MCCC1: variants seen among roughly 807,000 people sequenced by gnomAD.
MCCC1 encodes methylcrotonoyl-CoA carboxylase subunit alpha, mitochondrial.
Under a neutral mutation model 83.8 loss-of-function variants are expected in MCCC1, and 64 were observed. That is an observed-to-expected ratio of 0.76 (90% CI 0.62 to 0.94). The LOEUF is 0.94. Among genes scored for constraint, MCCC1 ranks in the 40% least tolerant of loss-of-function variants. The probability of loss-of-function intolerance (pLI) is 0.00; values close to 1 mark genes in which losing one functional copy is unlikely to be tolerated. For synonymous variants in MCCC1, 322 were observed against 315.4 expected (o/e 1.02, Z -0.22); for missense variants, 807 against 904.7 (o/e 0.89, Z 1.39).
At chr3:183,102,769 T>G (rs1407231170), upstream of MCCC1, among the ~76,000 whole-genome samples, 14 of 80,044 alleles carry the variant, frequency 1.7e-4, no homozygotes, top group African/African-American at 6.4e-4. Context: ...TTTTTTTTTT[T>G]TTTTTTTTTT....
At chr3:183,023,336 T>G (rs999535235) in intron 15 of MCCC1, among the ~76,000 whole-genome samples, 1 of 152,244 alleles carries the variant, frequency 6.6e-6, no homozygotes, top group African/African-American at 2.4e-5. Context: ...TATTTACACA[T>G]TGGTTCTCAT....
At chr3:183,099,111 A>G in intron 1 of MCCC1, 3 of 594,230 alleles carry the variant, frequency 5.0e-6, no homozygotes, top group Non-Finnish European at 9.0e-6. Context: ...AAATGGAAAA[A>G]CAGAAGCCAA....
Position 183,052,164 on chromosome 3 carries a change from C to G in MCCC1, c.950G>C (p.Gly317Ala), listed in dbSNP as rs1577295874. 1 of 1,613,980 alleles carries G rather than the reference C, an allele frequency of 6.2e-7. No homozygotes were observed. The highest frequency in any genetic ancestry group is 8.5e-7 in the Non-Finnish European group (1 of 1,179,916). Residue 317 changes from glycine (G) to alanine (A), a missense_variant, in exon 9 of 19, where the codon GGA (glycine) becomes GCA (alanine). Transcript: ENST00000265594. ...AGAAGCAAATCTTAACCTACCTGCTCCAACATAATTTACAGCTTTAGCAGC... is the reference window on the plus strand; with the variant it reads ...AGAAGCAAATCTTAACCTACCTGCTGCAACATAATTTACAGCTTTAGCAGC... The part of the protein sequence containing the change: ...VRAAKAVNYV[G>A]AGTVEFIMDS...
rs1316357213 is a variant in MCCC1, at chr3:183,099,292, G to A, written c.89+60C>T. On this transcript the variant is annotated intron_variant, in intron 1 of 18. Coordinates refer to ENST00000265594, the MANE Select transcript of MCCC1 (RefSeq NM_020166.5). ...TTCCGCCGCACCTCCCACCGCTCAC[G>A]CGGGTCCGTGCACCCCTCGCTCCCG... The A allele has an allele frequency of 2.6e-6, 4 of 1,534,154 alleles. No homozygotes were observed. The Admixed American group carries it at 5.8e-5, about 22-fold the overall frequency.
intron 15 of MCCC1, 84 bp from the exon 16 acceptor site, chr3:183,022,638 G>A (rs1474352663): frequency 1.6e-6 from 2 of 1,214,354 alleles, no homozygotes; most frequent in Non-Finnish European, 2.3e-6. Flanking sequence ...CTTCACTATT[G>A]GTAGTTTTAA....
intron 1 of MCCC1, among the ~76,000 whole-genome samples, chr3:183,111,734 C>A (rs76192534): frequency 0.032 from 4,816 of 152,182 alleles, 262 homozygotes; most frequent in African/African-American, 0.11. Flanking sequence ...AAATTTAAAC[C>A]TTCTCCAAAT....
At chr3:183,033,913 A>G (rs552148223) in intron 14 of MCCC1, 78 bp downstream of exon 14, 3 of 1,130,712 alleles carry the variant, frequency 2.7e-6, no homozygotes, top group African/African-American at 3.0e-5. Flanking sequence ...GATCATGGCC[A>G]GGCTGGAATC....
chr3:183,088,970 C>A (rs143120315), intron 3 of MCCC1, among the ~76,000 whole-genome samples: 1 of 152,174 alleles, frequency 6.6e-6, no homozygotes, highest in South Asian at 2.1e-4. Context: ...TTCCTGTACA[C>A]GCTTCTCTTA....
intron 4 of MCCC1, among the ~76,000 whole-genome samples, chr3:183,084,310 T>A (rs1717732360): frequency 6.6e-6 from 1 of 152,096 alleles, no homozygotes; most frequent in African/African-American, 2.4e-5. Flanking sequence ...TTCTGTGCAT[T>A]AGATGTTATG....
At chr3:183,042,963 A>C (rs1714229802) in intron 10 of MCCC1, among the ~76,000 whole-genome samples, 1 of 152,242 alleles carries the variant, frequency 6.6e-6, no homozygotes, top group African/African-American at 2.4e-5. Flanking sequence ...CACTGTTCAC[A>C]ATAGACTTGG....
chr3:183,040,556 C>CAGAAAA (rs1553854675), intron 11 of MCCC1, among the ~76,000 whole-genome samples: 1 of 112,592 alleles, frequency 8.9e-6, no homozygotes, highest in Non-Finnish European at 1.7e-5. Flanking sequence ...ACTAAAAATA[C>CAGAAAA]AAAAAAAAAA....
chr3:183,042,989 G>A (rs56359767), intron 10 of MCCC1, among the ~76,000 whole-genome samples: 4,046 of 152,278 alleles, frequency 0.027, 157 homozygotes, highest in East Asian at 0.095. Flanking sequence ...GTTTTTTAAC[G>A]TTTTAATAAA....
rs563586657 is a variant in MCCC1 at position 183,037,258 on chromosome 3, C to T, written c.1554G>A (p.Lys518=). 1.9e-6 allele frequency: 3 copies of T among 1,613,996 alleles called. No individual in the cohort carries two copies. In the East Asian group the frequency reaches 6.7e-5, roughly 36 times the overall value. Residue 518 remains lysine, a synonymous_variant, in exon 13 of 19, where the codon AAG becomes AAA. Coordinates refer to ENST00000265594, the MANE Select transcript of MCCC1 (RefSeq NM_020166.5). Reference sequence around the variant, plus strand: ...TGAAAGTGTCGGTCATGGCTTTCTCCTTGAGGATGAGACCCAGGGCTGCCT... The same window carrying T: ...TGAAAGTGTCGGTCATGGCTTTCTCTTTGAGGATGAGACCCAGGGCTGCCT... ...LCQAALGLIL[K]EKAMTDTFTL... is the part of the protein sequence containing the mutation.
At chr3:183,021,526 C>G (rs1712162534) in intron 16 of MCCC1, among the ~76,000 whole-genome samples, 1 of 152,178 alleles carries the variant, frequency 6.6e-6, no homozygotes, top group Admixed American at 6.5e-5. Flanking sequence ...ATTATTATTA[C>G]TGTTACTGCT....
chr3:183,080,956 C>A (rs1228705631), intron 4 of MCCC1, among the ~76,000 whole-genome samples: 2 of 152,174 alleles, frequency 1.3e-5, no homozygotes, highest in African/African-American at 4.8e-5. Flanking sequence ...ATTTAATCAC[C>A]TCCTACCGGG....
rs1246716621 is a variant in MCCC1, at chr3:183,086,715, A to G, written c.347T>C (p.Val116Ala). 1.2e-6 allele frequency: 2 copies of G among 1,614,200 alleles called. No individual in the cohort carries two copies. The highest frequency in any genetic ancestry group is 1.7e-6 in the Non-Finnish European group (2 of 1,180,038). Residue 116 changes from valine (V) to alanine (A), a missense_variant, in exon 4 of 19, where the codon GTG (valine) becomes GCG (alanine). Transcript: ENST00000265594. ...CACCTGTGCAGCAGAGGTCTTGGCC[A>G]CTTGAATGATTTTCTCCATAGATAG... The part of the protein sequence containing the change: ...SYLSMEKIIQ[V>A]AKTSAAQAIH...
At chr3:183,017,019 C>A in intron 18 of MCCC1, 1 of 534,794 alleles carries the variant, frequency 1.9e-6, no homozygotes, top group East Asian at 3.3e-5. Context: ...TGGATTATCG[C>A]CTGATTCCAA....
At chr3:183,103,386 C>T (rs564671263), upstream of MCCC1, among the ~76,000 whole-genome samples, 30 of 152,280 alleles carry the variant, frequency 2.0e-4, no homozygotes, top group East Asian at 5.8e-3. Flanking sequence ...TCTGTTTTGA[C>T]AGGGCACTGA....
intron 7 of MCCC1, among the ~76,000 whole-genome samples, chr3:183,065,561 TTTTTG>T (rs375276576): frequency 1.1e-4 from 17 of 152,182 alleles, no homozygotes; most frequent in Admixed American, 2.6e-4. Flanking sequence ...AAATGCGTTT[TTTTTG>T]TTTTGTTTTG....
Sources: allele counts gnomAD v4.1 joint callset (sites outside exome capture counted in the v4.1 genomes callset), GRCh38; gene constraint gnomAD v4.1.1; transcripts MANE v1.5; gene names NCBI Gene and HGNC (gene_info 2026-07-23, HGNC 2026-07-21).